Variants in PTTG1IP2 observed in about 807,000 individuals in gnomAD.
The protein encoded by PTTG1IP2 is PTTG1IP family member 2.
At chr7:90,505,380 G>C (rs1356281276) in intron 6 of PTTG1IP2, among the ~76,000 whole-genome samples, 1 of 152,184 alleles carries the variant, frequency 6.6e-6, no homozygotes, top group African/African-American at 2.4e-5. Flanking sequence ...AATTTACTCT[G>C]ACATTTTGTT....
intron 1 of PTTG1IP2, among the ~76,000 whole-genome samples, chr7:90,470,554 G>C (rs1279664542): frequency 6.6e-6 from 1 of 152,164 alleles, no homozygotes; most frequent in East Asian, 1.9e-4. Context: ...AAGACAATGA[G>C]ACAGAATAAT....
chr7:90,498,011 C>T (rs1378117355), intron 6 of PTTG1IP2, among the ~76,000 whole-genome samples: 1 of 151,308 alleles, frequency 6.6e-6, no homozygotes, highest in Non-Finnish European at 1.5e-5. Flanking sequence ...TTGTTATATC[C>T]TCTTGATGAA....
chr7:90,485,812 C>G (rs1797867962), intron 2 of PTTG1IP2, among the ~76,000 whole-genome samples: 1 of 152,160 alleles, frequency 6.6e-6, no homozygotes, highest in African/African-American at 2.4e-5. Flanking sequence ...GCTGCAAGTT[C>G]AGGTTTTTTT....
In PTTG1IP2 at chr7:90,477,580, C is replaced by T. The variant is rs567133886; in HGVS notation, c.146-1648C>T. On this transcript the variant is annotated intron_variant, in intron 1 of 6. Coordinates refer to ENST00000509356, the MANE Select transcript of PTTG1IP2 (RefSeq NM_001365443.2). ...TCTGAAAGTACTGAGGATAGTAGTC[C>T]TCAAAACTGTCAAGGTCATGAAAGC... Among the ~76,000 whole-genome samples, 203 of 152,262 alleles carry T rather than the reference C, an allele frequency of 1.3e-3. 4 individuals are homozygous for T. In the South Asian group the frequency reaches 0.041, roughly 30 times the overall value.
intron 4 of PTTG1IP2, among the ~76,000 whole-genome samples, chr7:90,490,596 C>T (rs954417262): frequency 2.0e-5 from 3 of 151,988 alleles, no homozygotes; most frequent in African/African-American, 7.2e-5. Context: ...CCTTATTTTT[C>T]CCCTCTGAAA....
intron 6 of PTTG1IP2, among the ~76,000 whole-genome samples, chr7:90,504,322 A>G (rs945894838): frequency 4.0e-5 from 5 of 124,688 alleles, no homozygotes; most frequent in Non-Finnish European, 8.4e-5. Flanking sequence ...TGTCAAGAGA[A>G]AAAAAAAAAG....
At chr7:90,475,077 T>C (rs2116045955) in intron 1 of PTTG1IP2, among the ~76,000 whole-genome samples, 1 of 152,292 alleles carries the variant, frequency 6.6e-6, no homozygotes, top group Non-Finnish European at 1.5e-5. Context: ...CCAAATCTCC[T>C]GCCCCCAAGT....
At chr7:90,507,458 A>G (rs1237572181) in intron 6 of PTTG1IP2, among the ~76,000 whole-genome samples, 1 of 152,158 alleles carries the variant, frequency 6.6e-6, no homozygotes, top group Non-Finnish European at 1.5e-5. Flanking sequence ...CCTCATCTGG[A>G]ATACAGGAAA....
At chr7:90,507,366 G>A (rs985091207) in intron 6 of PTTG1IP2, among the ~76,000 whole-genome samples, 1 of 152,164 alleles carries the variant, frequency 6.6e-6, no homozygotes, top group Non-Finnish European at 1.5e-5. Context: ...GGAGGCTTCT[G>A]TAGTTAGGCT....
At chr7:90,483,306 T>C (rs1797834165) in intron 2 of PTTG1IP2, among the ~76,000 whole-genome samples, 1 of 152,208 alleles carries the variant, frequency 6.6e-6, no homozygotes, top group Non-Finnish European at 1.5e-5. Context: ...TCCTCATTTT[T>C]CACCTGAACC....
intron 1 of PTTG1IP2, among the ~76,000 whole-genome samples, chr7:90,470,507 G>A (rs1797670951): frequency 6.6e-6 from 1 of 152,158 alleles, no homozygotes; most frequent in Non-Finnish European, 1.5e-5. Flanking sequence ...GAATTACTTG[G>A]AAAGTGCCCT....
intron 6 of PTTG1IP2, among the ~76,000 whole-genome samples, chr7:90,510,396 C>G (rs989989389): frequency 3.9e-5 from 6 of 152,084 alleles, no homozygotes; most frequent in Non-Finnish European, 8.8e-5. Context: ...GTCAGGCTCT[C>G]TAGAGTGAAT....
chr7:90,481,317 G>A (rs954242800), intron 2 of PTTG1IP2, among the ~76,000 whole-genome samples: 3 of 152,070 alleles, frequency 2.0e-5, no homozygotes, highest in East Asian at 1.9e-4. Context: ...CCCACATTCC[G>A]CAACTCTGAT....
chr7:90,488,199 C>T (rs1797898121), intron 3 of PTTG1IP2, among the ~76,000 whole-genome samples: 1 of 151,980 alleles, frequency 6.6e-6, no homozygotes, highest in South Asian at 2.1e-4. Flanking sequence ...TTTTCCTTCA[C>T]TGAAGTAAAA....
chr7:90,508,613 C>T (rs1052631830), intron 6 of PTTG1IP2, among the ~76,000 whole-genome samples: 1 of 152,184 alleles, frequency 6.6e-6, no homozygotes, highest in Admixed American at 6.5e-5. Flanking sequence ...GAGAACGTAA[C>T]AGCTGACACT....
chr7:90,470,127 G>A (rs548054990), intron 1 of PTTG1IP2, 196 bp downstream of exon 1: 1 of 152,428 alleles, frequency 6.6e-6, no homozygotes, highest in East Asian at 1.9e-4. Context: ...TGGTTTATCT[G>A]AAATATGAAA....
intron 1 of PTTG1IP2, among the ~76,000 whole-genome samples, chr7:90,475,177 AC>A: frequency 6.6e-6 from 1 of 152,302 alleles, no homozygotes; most frequent in South Asian, 2.1e-4. Context: ...GAGCTTATGA[AC>A]TTTTATGGCA....
intron 6 of PTTG1IP2, among the ~76,000 whole-genome samples, chr7:90,496,967 G>T (rs1002391960): frequency 6.6e-6 from 1 of 152,034 alleles, no homozygotes; most frequent in African/African-American, 2.4e-5. Context: ...AGAGAATGTC[G>T]TTTAATTTCC....
intron 5 of PTTG1IP2, among the ~76,000 whole-genome samples, chr7:90,493,560 A>G (rs1266310316): frequency 2.6e-5 from 4 of 152,222 alleles, no homozygotes; most frequent in Non-Finnish European, 5.9e-5. Context: ...GTATTTATTT[A>G]GTTTAGGTAG....
Sources: gnomAD v4.1 joint callset for allele counts (sites outside exome capture counted in the v4.1 genomes callset) on GRCh38, gnomAD v4.1.1 for gene constraint, MANE v1.5 for transcripts, NCBI Gene and HGNC (gene_info 2026-07-23, HGNC 2026-07-21) for gene names.